Variants in DBF4 observed in about 807,000 individuals in gnomAD.
DBF4 encodes the protein DBF4-CDC7 kinase regulatory subunit.
Under a neutral mutation model 76.6 loss-of-function variants are expected in DBF4, and 25 were observed. The observed-to-expected ratio is 0.33, with a 90% CI of 0.24 to 0.46. The LOEUF (loss-of-function observed/expected upper bound fraction) is 0.46. DBF4 is among the 20% of genes least tolerant of loss of function. DBF4 has a pLI of 1.00. For missense variants in DBF4, 638 were observed against 760.8 expected (o/e 0.84, Z 1.90); for synonymous variants, 213 against 258.0 (o/e 0.83, Z 1.67).
At chr7:87,887,211 G>C in intron 4 of DBF4, 118 bp from the exon 5 acceptor site, 2 of 833,272 alleles carry the variant, frequency 2.4e-6, no homozygotes. Context: ...TAACTCTATA[G>C]GGTCTGTTAC....
chr7:87,890,401 G>A (rs1303713154), intron 6 of DBF4, among the ~76,000 whole-genome samples: 2 of 151,954 alleles, frequency 1.3e-5, no homozygotes, highest in African/African-American at 4.8e-5. Flanking sequence ...GTGTGGTGGT[G>A]CATGCCTGTA....
At chr7:87,892,382 C>T (rs1219828177) in intron 6 of DBF4, among the ~76,000 whole-genome samples, 1 of 152,130 alleles carries the variant, frequency 6.6e-6, no homozygotes, top group African/African-American at 2.4e-5. Context: ...CTTGGTAATG[C>T]TTATTTAAGG....
intron 6 of DBF4, among the ~76,000 whole-genome samples, chr7:87,895,139 A>G (rs1197625106): frequency 6.6e-6 from 1 of 152,020 alleles, no homozygotes; most frequent in African/African-American, 2.4e-5. Flanking sequence ...TAATTGTGTC[A>G]TACATGTTCT....
intron 2 of DBF4, among the ~76,000 whole-genome samples, chr7:87,882,775 A>T (rs571080345): frequency 1.3e-5 from 2 of 152,348 alleles, no homozygotes; most frequent in South Asian, 4.1e-4. Context: ...AACACCTGTT[A>T]GGATGGTTAC....
At chr7:87,881,013 C>T (rs940277518) in intron 2 of DBF4, among the ~76,000 whole-genome samples, 2 of 152,208 alleles carry the variant, frequency 1.3e-5, no homozygotes, top group African/African-American at 4.8e-5. Context: ...CTTTAAATGG[C>T]ATAGATTCAA....
Position 87,908,168 on chromosome 7 carries a change from TAA to T in DBF4, c.*10_*11del. 6.5e-7 allele frequency: 1 copy of T among 1,541,532 alleles called. No individual in the cohort carries two copies. Among genetic ancestry groups the T allele is most frequent in the Non-Finnish European group, 8.7e-7 (1 of 1,148,548 alleles). On this transcript the variant is annotated 3_prime_UTR_variant, in exon 12 of 12. Coordinates refer to ENST00000265728, the MANE Select transcript of DBF4 (RefSeq NM_006716.4). ...TCTACATTTACTGGCTTTTAGAATT[TAA>T]AAAATGCATACTTTTCAGAAGTGAT...
Position 87,897,347 on chromosome 7 carries a change from T to C in DBF4, c.680+8T>C, listed in dbSNP as rs745674880. ...GGTGGAAGATATGAGCCAGTAAGTA[T>C]TTAAGTCCAATCTGTATGATTTAAG... On this transcript the variant is annotated splice_region_variant and intron_variant, in intron 8 of 11. Coordinates refer to ENST00000265728, the MANE Select transcript of DBF4 (RefSeq NM_006716.4). The C allele has an allele frequency of 1.8e-5, 29 of 1,611,968 alleles. No homozygotes were observed. The highest frequency in any genetic ancestry group is 2.4e-5 in the Non-Finnish European group (28 of 1,179,292).
chr7:87,906,836 A>G (rs1229436700), intron 11 of DBF4, among the ~76,000 whole-genome samples: 1 of 152,166 alleles, frequency 6.6e-6, no homozygotes, highest in Non-Finnish European at 1.5e-5. Flanking sequence ...ATGAAAGCAA[A>G]ATTAGGGGCA....
intron 6 of DBF4, 116 bp from the exon 7 acceptor site, chr7:87,896,358 T>G: frequency 1.3e-6 from 1 of 753,856 alleles, no homozygotes; most frequent in Non-Finnish European, 2.2e-6. Flanking sequence ...GAATAATCCT[T>G]CTTTGATATA....
At position 87,903,671 on chromosome 7, in the gene DBF4, G is replaced by GTC. The variant is rs201108263; in HGVS notation, c.925-611_925-610dup. 9.6e-3 allele frequency among the ~76,000 whole-genome samples: 1,335 copies of GTC among 139,108 alleles called. 11 individuals carry two copies. The highest frequency in any genetic ancestry group is 0.033 in the African/African-American group (1,270 of 38,104). 91.3% of individuals were successfully genotyped at this position (139,108 alleles called of 152,430 possible). The stretch of plus-strand genomic sequence containing the variant: ...ATGTGTTTTCCAAAATGTTACTGTT[G>GTC]TCTCTCTCTCTGTATCCCTTTTTTT... On this transcript the variant is annotated intron_variant, in intron 10 of 11. Transcript: ENST00000265728.
intron 2 of DBF4, among the ~76,000 whole-genome samples, chr7:87,884,457 C>T (rs1839294249): frequency 1.3e-5 from 2 of 152,158 alleles, no homozygotes; most frequent in African/African-American, 4.8e-5. Flanking sequence ...AGATCATGGG[C>T]TTGAGTCAGA....
rs1839961132 is a variant in DBF4, at chr7:87,908,366, G to A, written c.*203G>A. ...ACAGAATAAACTTGTGACTGGTCTT[G>A]TTTTACATTATATATATGTTCGTAA... is the stretch of plus-strand genomic sequence containing the variant. On this transcript the variant is annotated 3_prime_UTR_variant, in exon 12 of 12. Transcript: ENST00000265728. 4.7e-6 allele frequency: 2 copies of A among 422,218 alleles called. No individual in the cohort carries two copies. Among genetic ancestry groups the A allele is most frequent in the Admixed American group, 8.4e-5 (2 of 23,944 alleles). 26.2% of individuals were successfully genotyped at this position (422,218 alleles called of 1,614,324 possible).
At chr7:87,898,440 T>C (rs1377906038) in intron 8 of DBF4, among the ~76,000 whole-genome samples, 1 of 152,142 alleles carries the variant, frequency 6.6e-6, no homozygotes, top group Non-Finnish European at 1.5e-5. Flanking sequence ...AGTAAAAACG[T>C]ATCCTAGAAT....
chr7:87,890,416 C>T (rs1404582165), intron 6 of DBF4, among the ~76,000 whole-genome samples: 3 of 152,170 alleles, frequency 2.0e-5, no homozygotes, highest in Non-Finnish European at 4.4e-5. Flanking sequence ...CCTGTAATCC[C>T]AGCTACTTGG....
At chr7:87,882,433 C>G (rs2131042924) in intron 2 of DBF4, among the ~76,000 whole-genome samples, 1 of 152,194 alleles carries the variant, frequency 6.6e-6, no homozygotes, top group South Asian at 2.1e-4. Context: ...GGATATGATA[C>G]CAAAATCATG....
chr7:87,889,207 G>T (rs961043507), intron 6 of DBF4, among the ~76,000 whole-genome samples: 1 of 151,946 alleles, frequency 6.6e-6, no homozygotes, highest in Admixed American at 6.6e-5. Context: ...ATTTTGGAAA[G>T]ATCTTCTGGT....
At position 87,907,486 on chromosome 7, in the gene DBF4, C is replaced by G; in HGVS notation, c.1348C>G (p.Gln450Glu). 6.2e-7 allele frequency: 1 copy of G among 1,613,940 alleles called. No individual in the cohort carries two copies. Among genetic ancestry groups the G allele is most frequent in the Middle Eastern group, 1.7e-4 (1 of 6,058 alleles). ...AEDDIRQNFT[Q>E]LPLHKNKQEC... ...AGATGACATAAGACAGAATTTTACA[C>G]AGCTACCTCTACATAAAAACAAACA... Residue 450 changes from glutamine (Q) to glutamate (E), a missense_variant, in exon 12 of 12, where the codon CAG becomes GAG. Transcript: ENST00000265728.
At chr7:87,881,267 G>A (rs1839207781) in intron 2 of DBF4, among the ~76,000 whole-genome samples, 1 of 152,150 alleles carries the variant, frequency 6.6e-6, no homozygotes, top group African/African-American at 2.4e-5. Flanking sequence ...ATTTAGCTGG[G>A]CATGGTGGCG....
At chr7:87,891,263 T>C (rs58927827) in intron 6 of DBF4, among the ~76,000 whole-genome samples, 1 of 151,938 alleles carries the variant, frequency 6.6e-6, no homozygotes, top group African/African-American at 2.4e-5. Flanking sequence ...TTTTCTTTGA[T>C]GTCTTTGTCT....
Sources: allele counts gnomAD v4.1 joint callset (sites outside exome capture counted in the v4.1 genomes callset), GRCh38; gene constraint gnomAD v4.1.1; transcripts MANE v1.5; gene names NCBI Gene and HGNC (gene_info 2026-07-23, HGNC 2026-07-21).